MYO18A: variants seen among roughly 807,000 people sequenced by gnomAD.
MYO18A encodes the protein unconventional myosin-XVIIIa.
A neutral mutation model predicts 235.8 loss-of-function variants in MYO18A; 78 were observed. The observed-to-expected ratio is 0.33, with a 90% CI of 0.28 to 0.40. The LOEUF (loss-of-function observed/expected upper bound fraction) is 0.40, where lower values mean the gene tolerates loss of function less well. Among genes scored for constraint, MYO18A ranks in the 10% least tolerant of loss-of-function variants. The probability of loss-of-function intolerance (pLI) is 1.00; values close to 1 mark genes in which losing one functional copy is unlikely to be tolerated. For synonymous variants in MYO18A, 977 were observed against 1,077.8 expected (o/e 0.91, Z 1.83); for missense variants, 2,215 against 2,699.3 (o/e 0.82, Z 3.98).
At chr17:29,076,232 TC>T (rs1379723403) in intron 41 of MYO18A, 1 of 150,926 alleles carries the variant, frequency 6.6e-6, no homozygotes, top group African/African-American at 2.5e-5. Context: ...GAAAGGATCT[TC>T]CCCAAGGCCA....
intron 2 of MYO18A, chr17:29,128,330 T>C (rs2152885098): frequency 2.4e-6 from 3 of 1,265,414 alleles, no homozygotes; most frequent in Non-Finnish European, 3.1e-6. Flanking sequence ...GGGCAGCACC[T>C]TACTCACCAC....
Position 29,093,428 on chromosome 17 carries a change from C to CT in MYO18A, c.4822-2dup, listed in dbSNP as rs1203035146. On this transcript the variant is annotated splice_acceptor_variant, in intron 31 of 41. Coordinates refer to ENST00000527372, the MANE Select transcript of MYO18A (RefSeq NM_078471.4). LOFTEE classifies it high-confidence loss of function. ...CTAGCTGCACCTCCATCTGTTTTAA[C>CT]TGGAGTACCATGGGGACAGAGACCC... The CT allele has an allele frequency of 1.9e-6, 3 of 1,608,902 alleles. No individual in the cohort carries two copies. Among genetic ancestry groups the CT allele is most frequent in the Non-Finnish European group, 2.5e-6 (3 of 1,178,768 alleles).
chr17:29,164,520 G>A (rs978488803), intron 2 of MYO18A, among the ~76,000 whole-genome samples: 23 of 152,106 alleles, frequency 1.5e-4, no homozygotes, highest in African/African-American at 5.6e-4. Context: ...CCCCTCCCTG[G>A]GAGAAAGCTG....
At chr17:29,089,934 T>C (rs369318148) in intron 37 of MYO18A, 27 bp downstream of exon 37, 41 of 1,613,620 alleles carry the variant, frequency 2.5e-5, no homozygotes, top group Non-Finnish European at 3.0e-5. Context: ...CCCTGTTTGG[T>C]GTGGCCCGGG....
chr17:29,115,009 G>A lies in MYO18A; in HGVS notation c.2409C>T (p.Arg803=), dbSNP rs764232569. The A allele has an allele frequency of 3.7e-6, 6 of 1,613,844 alleles. No individual in the cohort carries two copies. In the African/African-American group the frequency reaches 4.0e-5, roughly 11 times the overall value. ...FQNPEQGGSA[R]GASFEELCHN... is the part of the protein sequence containing the mutation. ...GGCACAGCTCCTCAAAGGAGGCTCCGCGGGCTGACCCACCCTGCTCAGGGT... is the reference window on the plus strand; with the variant it reads ...GGCACAGCTCCTCAAAGGAGGCTCCACGGGCTGACCCACCCTGCTCAGGGT... Residue 803 remains arginine, a synonymous_variant, in exon 14 of 42, where the codon CGC becomes CGT. Transcript: ENST00000527372.
chr17:29,114,060 G>A lies in MYO18A; in HGVS notation c.2549C>T (p.Pro850Leu), dbSNP rs747308252. Residue 850 changes from proline (P) to leucine (L), a missense_variant, in exon 15 of 42, where the codon CCG becomes CTG. Pro to Leu is a moderately conservative substitution (Grantham distance 98, BLOSUM62 -3). Coordinates refer to ENST00000527372, the MANE Select transcript of MYO18A (RefSeq NM_078471.4). ...CACAGCAGCCACAGAGTCATCCGTC[G>A]GGGGTTCCAAGTCGTCAAACGCCAG... ...IELAFDDLEP[P>L]TDDSVAAVDQ... is the part of the protein sequence containing the mutation. The A allele has an allele frequency of 1.2e-5, 19 of 1,602,520 alleles. No individual in the cohort carries two copies. The highest frequency in any genetic ancestry group is 4.0e-5 in the African/African-American group (3 of 74,600).
chr17:29,088,910 T>G (rs1441430951), intron 37 of MYO18A, among the ~76,000 whole-genome samples: 3 of 151,964 alleles, frequency 2.0e-5, no homozygotes, highest in African/African-American at 7.2e-5. Context: ...TGGTGGCACA[T>G]GCCTGTGGTC....
At position 29,114,940 on chromosome 17, in the gene MYO18A, G is replaced by A. The variant is rs1303290261; in HGVS notation, c.2478C>T (p.Arg826=). The change falls in exon 14 of 42, where the codon CGC becomes CGT. Residue 826 remains arginine, a synonymous_variant. Coordinates refer to ENST00000527372, the MANE Select transcript of MYO18A (RefSeq NM_078471.4). ...ATCTTTCCAACTCCTGCACGAAGGT[G>A]CGCTCGTGGAAGAGCCTCTGCAGCC... The part of the protein sequence containing the change: ...QDRLQRLFHE[R]TFVQELERYK... The A allele has an allele frequency of 3.7e-6, 6 of 1,613,898 alleles. No individual in the cohort carries two copies. Among genetic ancestry groups the A allele is most frequent in the South Asian group, 1.1e-5 (1 of 91,094 alleles).
intron 30 of MYO18A, 130 bp downstream of exon 30, chr17:29,094,520 G>T (rs1311863571): frequency 6.6e-6 from 6 of 914,572 alleles, no homozygotes; most frequent in Middle Eastern, 2.4e-4. Flanking sequence ...TCCACATTTT[G>T]TGAGTAGGTG....
At chr17:29,146,232 C>A (rs552894513) in intron 2 of MYO18A, among the ~76,000 whole-genome samples, 1 of 151,264 alleles carries the variant, frequency 6.6e-6, no homozygotes, top group Admixed American at 6.6e-5. Flanking sequence ...CACTCCAGCC[C>A]GGGCGACAGA....
chr17:29,115,961 G>T, intron 11 of MYO18A, 121 bp from the exon 12 acceptor site: 1 of 1,118,768 alleles, frequency 8.9e-7, no homozygotes, highest in Non-Finnish European at 1.3e-6. Context: ...GATGACACCC[G>T]ATGGGCTTCA....
intron 21 of MYO18A, among the ~76,000 whole-genome samples, chr17:29,102,356 A>G (rs535642260): frequency 6.6e-6 from 1 of 152,332 alleles, no homozygotes; most frequent in East Asian, 1.9e-4. Context: ...CCTGGCGGGA[A>G]AGACCAGGGT....
chr17:29,105,368 T>C lies in MYO18A; in HGVS notation c.3442-1704A>G, dbSNP rs1370197519. On this transcript the variant is annotated intron_variant, in intron 20 of 41. Coordinates refer to ENST00000527372, the MANE Select transcript of MYO18A (RefSeq NM_078471.4). Reference sequence around the variant, plus strand: ...CAGGGAGACGATGACAGAGGCTCCTTCCAGAGAGCAAAACCTGCAGGTCTG... The same window carrying C: ...CAGGGAGACGATGACAGAGGCTCCTCCCAGAGAGCAAAACCTGCAGGTCTG... Among the ~76,000 whole-genome samples, 5 of 151,546 alleles carry C rather than the reference T, an allele frequency of 3.3e-5. No individual in the cohort carries two copies. In the South Asian group the frequency reaches 6.3e-4, roughly 19 times the overall value.
intron 2 of MYO18A, among the ~76,000 whole-genome samples, chr17:29,130,081 G>C (rs1239863371): frequency 2.0e-5 from 3 of 152,144 alleles, no homozygotes; most frequent in Non-Finnish European, 4.4e-5. Context: ...GAGACTGCTT[G>C]AACTCAGGAG....
At chr17:29,096,990 G>C in intron 27 of MYO18A, 75 bp from the exon 28 acceptor site, 1 of 1,460,478 alleles carries the variant, frequency 6.8e-7, no homozygotes, top group Non-Finnish European at 9.1e-7. Context: ...AGGGAAGTGG[G>C]TGAGTGAGGG....
Position 29,140,355 on chromosome 17 carries a change from T to A in MYO18A, c.1000-18102A>T. ...GGACACTCACCCGCATGGCCTGGCCTGGAGCAGCCCAGAGCAAGGAGACTC... is the reference window on the plus strand; with the variant it reads ...GGACACTCACCCGCATGGCCTGGCCAGGAGCAGCCCAGAGCAAGGAGACTC... On this transcript the variant is annotated intron_variant, in intron 2 of 41. Transcript: ENST00000527372. The surrounding 1 kb of genome is among the most constrained non-coding windows in gnomAD (Gnocchi z 4.2). 3.1e-6 allele frequency: 4 copies of A among 1,281,530 alleles called. No homozygotes were observed. The highest frequency in any genetic ancestry group is 4.1e-6 in the Non-Finnish European group (4 of 985,256). The allele number at this position is 1,281,530 out of a possible 1,614,324, so 79.4% of individuals were successfully genotyped here. A position where few individuals can be genotyped will look rare whatever the true frequency, so the allele number is the denominator to read the frequency against.
At chr17:29,119,055 T>C (rs2067138361) in intron 8 of MYO18A, among the ~76,000 whole-genome samples, 2 of 152,160 alleles carry the variant, frequency 1.3e-5, no homozygotes, top group Non-Finnish European at 2.9e-5. Context: ...ATGGAGATCC[T>C]AGCTAGGCCC....
intron 2 of MYO18A, among the ~76,000 whole-genome samples, chr17:29,148,899 C>A (rs975596793): frequency 2.0e-5 from 3 of 152,204 alleles, no homozygotes; most frequent in Non-Finnish European, 2.9e-5. Context: ...CAGCCCCAGG[C>A]CCGGGGCGGC....
At chr17:29,177,971 C>T (rs902639716) in intron 1 of MYO18A, among the ~76,000 whole-genome samples, 1 of 152,214 alleles carries the variant, frequency 6.6e-6, no homozygotes, top group African/African-American at 2.4e-5. Flanking sequence ...CAACAACTCC[C>T]AGCTCCACCT....
Sources: gnomAD v4.1 joint callset for allele counts (sites outside exome capture counted in the v4.1 genomes callset) on GRCh38, gnomAD v4.1.1 for gene constraint, Gnocchi (gnomAD v3.1) non-coding constraint, MANE v1.5 for transcripts, NCBI Gene and HGNC (gene_info 2026-07-23, HGNC 2026-07-21) for gene names.